Variants in CERS6 observed in about 807,000 individuals in gnomAD.
CERS6 encodes LAG1 homolog, ceramide synthase 6.
Under a neutral mutation model 56.8 loss-of-function variants are expected in CERS6, and 26 were observed. The observed-to-expected ratio is 0.46, with a 90% CI of 0.34 to 0.63. The LOEUF is 0.63. CERS6 is among the 30% of genes least tolerant of loss of function. CERS6 has a pLI of 0.01. For synonymous variants in CERS6, 164 were observed against 173.3 expected, an observed-to-expected ratio of 0.95 and a Z score of 0.42; for missense variants, 415 against 467.5, an observed-to-expected ratio of 0.89 and a Z score of 1.04.
rs369544630 is a variant in CERS6 at position 168,610,665 on chromosome 2, T to G, written c.408-20320T>G. ...CTTTCATTCTATATGGAATATAGTT[T>G]AGAGTGTAAGAAGAGTAGACCATCC... On this transcript the variant is annotated intron_variant, in intron 3 of 9. Transcript: ENST00000305747. Among the ~76,000 whole-genome samples, 5 of 152,324 alleles carry G rather than the reference T, an allele frequency of 3.3e-5. No homozygotes were observed. The East Asian group carries it at 5.8e-4, about 18-fold the overall frequency.
At chr2:168,767,067 A>G (rs1385261567) in intron 9 of CERS6, among the ~76,000 whole-genome samples, 1 of 152,242 alleles carries the variant, frequency 6.6e-6, no homozygotes, top group Non-Finnish European at 1.5e-5. Context: ...GATAACAATA[A>G]CTAAATATGC....
At chr2:168,569,923 A>G (rs1012742418) in intron 3 of CERS6, among the ~76,000 whole-genome samples, 1 of 152,190 alleles carries the variant, frequency 6.6e-6, no homozygotes, top group Non-Finnish European at 1.5e-5. Flanking sequence ...TGTCTTGCCC[A>G]TGGTATGGGG....
chr2:168,603,418 C>G (rs895238941), intron 3 of CERS6, among the ~76,000 whole-genome samples: 1 of 152,142 alleles, frequency 6.6e-6, no homozygotes, highest in African/African-American at 2.4e-5. Context: ...GAATGACTAT[C>G]AATAGGTATG....
chr2:168,585,289 A>G (rs1026749412), intron 3 of CERS6, among the ~76,000 whole-genome samples: 1 of 152,264 alleles, frequency 6.6e-6, no homozygotes, highest in Non-Finnish European at 1.5e-5. Flanking sequence ...CATTCATCTA[A>G]CAGTATTCAT....
chr2:168,530,243 G>A (rs1411152746), intron 1 of CERS6, among the ~76,000 whole-genome samples: 1 of 152,220 alleles, frequency 6.6e-6, no homozygotes, highest in Non-Finnish European at 1.5e-5. Flanking sequence ...GTGAGGTACA[G>A]TGGCATGGCT....
chr2:168,475,907 A>G lies in CERS6; in HGVS notation c.170+19289A>G, dbSNP rs4668067. Among the ~76,000 whole-genome samples the G allele has an allele frequency of 1.4e-3, 210 of 152,318 alleles. 3 individuals are homozygous for G. Among genetic ancestry groups the G allele is most frequent in the Admixed American group, 0.011 (172 of 15,296 alleles). The stretch of plus-strand genomic sequence containing the variant: ...AATCAGACATTTGTTAATGTCGAAT[A>G]CAACTACCCTCTCACATGCAAGTCC... On this transcript the variant is annotated intron_variant, in intron 1 of 9. Coordinates refer to ENST00000305747, the MANE Select transcript of CERS6 (RefSeq NM_203463.3).
At chr2:168,634,575 GC>G (rs1189106684) in intron 4 of CERS6, among the ~76,000 whole-genome samples, 1 of 152,040 alleles carries the variant, frequency 6.6e-6, no homozygotes, top group African/African-American at 2.4e-5. Flanking sequence ...ACCATGACAG[GC>G]TAATTTTTAT....
At chr2:168,517,265 G>A (rs2060844) in intron 1 of CERS6, among the ~76,000 whole-genome samples, 111,583 of 151,244 alleles carry the variant, frequency 0.74, 41,505 homozygotes, top group East Asian at 0.98. Context: ...GCAGAGTTGG[G>A]TGGATCACCT....
At chr2:168,617,677 A>T (rs182464269) in intron 3 of CERS6, among the ~76,000 whole-genome samples, 128 of 152,238 alleles carry the variant, frequency 8.4e-4, no homozygotes, top group African/African-American at 2.7e-3. Context: ...CCTAGCTTAA[A>T]TCAGGAAGAA....
At chr2:168,686,097 G>A (rs777493780) in intron 4 of CERS6, among the ~76,000 whole-genome samples, 1 of 146,376 alleles carries the variant, frequency 6.8e-6, no homozygotes, top group Non-Finnish European at 1.5e-5. Context: ...GATGGCTTGA[G>A]CAACGGAAAT....
At chr2:168,739,552 A>G (rs1344522734) in intron 8 of CERS6, among the ~76,000 whole-genome samples, 1 of 152,280 alleles carries the variant, frequency 6.6e-6, no homozygotes, top group East Asian at 1.9e-4. Flanking sequence ...CAGAAGATTC[A>G]TGTTCCCTAT....
At chr2:168,734,552 G>GCA (rs1356957159) in intron 8 of CERS6, among the ~76,000 whole-genome samples, 1 of 151,928 alleles carries the variant, frequency 6.6e-6, no homozygotes, top group Non-Finnish European at 1.5e-5. Flanking sequence ...AGACAGACAC[G>GCA]CACACACACA....
chr2:168,596,609 A>G lies in CERS6; in HGVS notation c.408-34376A>G, dbSNP rs974789477. Among the ~76,000 whole-genome samples, 28 of 117,148 alleles carry G rather than the reference A, an allele frequency of 2.4e-4. 2 individuals are homozygous for G. The Admixed American group carries it at 2.6e-3, about 11-fold the overall frequency. 76.9% of individuals were successfully genotyped at this position (117,148 alleles called of 152,430 possible). A position where few individuals can be genotyped will look rare whatever the true frequency, so the allele number is the denominator to read the frequency against. The stretch of plus-strand genomic sequence containing the variant: ...CACTCTATCATCCAAACTAGAGTGT[A>G]GTAGTGCAATCTTGGCTCACTGTAA... On this transcript the variant is annotated intron_variant, in intron 3 of 9. Transcript: ENST00000305747.
intron 1 of CERS6, among the ~76,000 whole-genome samples, chr2:168,545,216 G>A (rs1695444708): frequency 1.3e-5 from 2 of 151,984 alleles, no homozygotes; most frequent in African/African-American, 4.8e-5. Context: ...CATATGAGGA[G>A]ATTAAGGCAG....
At chr2:168,644,830 A>G (rs1574124580) in intron 4 of CERS6, among the ~76,000 whole-genome samples, 2 of 151,900 alleles carry the variant, frequency 1.3e-5, no homozygotes, top group Admixed American at 6.6e-5. Context: ...GCGGTGGCTC[A>G]TGCCTGTAAT....
chr2:168,748,410 AC>A (rs1363504759), intron 8 of CERS6, among the ~76,000 whole-genome samples: 2 of 152,022 alleles, frequency 1.3e-5, no homozygotes, highest in Non-Finnish European at 2.9e-5. Flanking sequence ...TTTAGATGAA[AC>A]CCCCTGAGAT....
chr2:168,644,916 AC>A (rs1341570385), intron 4 of CERS6, among the ~76,000 whole-genome samples: 1 of 150,804 alleles, frequency 6.6e-6, no homozygotes, highest in African/African-American at 2.4e-5. Flanking sequence ...ACATGGGGAA[AC>A]CCCGTCTCTA....
chr2:168,666,719 AG>A (rs1275303204), intron 4 of CERS6, among the ~76,000 whole-genome samples: 2 of 152,214 alleles, frequency 1.3e-5, no homozygotes, highest in African/African-American at 4.8e-5. Context: ...GCCTGCATTG[AG>A]AACCCACATT....
At chr2:168,762,673 AC>A (rs556283077) in intron 8 of CERS6, among the ~76,000 whole-genome samples, 47 of 152,292 alleles carry the variant, frequency 3.1e-4, no homozygotes, top group Non-Finnish European at 6.6e-4. Context: ...TCTTTTAATG[AC>A]TTGTAAAATT....
Sources: gnomAD v4.1 joint callset for allele counts (sites outside exome capture counted in the v4.1 genomes callset) on GRCh38, gnomAD v4.1.1 for gene constraint, MANE v1.5 for transcripts, NCBI Gene and HGNC (gene_info 2026-07-23, HGNC 2026-07-21) for gene names.